Variants in CAPN8 observed in about 807,000 individuals in gnomAD.
CAPN8 encodes calpain-8.
A neutral mutation model predicts 80.9 loss-of-function variants in CAPN8; 87 were observed. The ratio of observed to expected loss-of-function variants is 1.07; its 90% CI spans 0.90 to 1.28. The LOEUF (loss-of-function observed/expected upper bound fraction) is 1.28. CAPN8 is among the 50% of genes most tolerant of loss of function. CAPN8 has a pLI of 0.00. For synonymous variants in CAPN8, 299 were observed against 273.8 expected (o/e 1.09, Z -0.91); for missense variants, 757 against 702.0 (o/e 1.08, Z -0.89).
intron 1 of CAPN8, among the ~76,000 whole-genome samples, chr1:223,656,668 G>T (rs1342090630): frequency 1.1e-5 from 1 of 94,820 alleles, no homozygotes; most frequent in Non-Finnish European, 2.1e-5. Flanking sequence ...CACGTTTTGG[G>T]TTTTTTTGTT....
rs576619023 is a variant in CAPN8, at chr1:223,547,500, G to A, written c.1764+1818C>T. On this transcript the variant is annotated intron_variant, in intron 16 of 20. Transcript: ENST00000366872. ...AGAGCGACTGGTAATAGGAGTACAG[G>A]GTTTCTTTTTAGGGTGATGACAATG... Among the ~76,000 whole-genome samples, 23 of 152,268 alleles carry A rather than the reference G, an allele frequency of 1.5e-4. 1 individual carries two copies. The highest frequency in any genetic ancestry group is 5.1e-4 in the African/African-American group (21 of 41,536).
At chr1:223,610,138 A>G (rs1315325805) in intron 11 of CAPN8, among the ~76,000 whole-genome samples, 2 of 152,348 alleles carry the variant, frequency 1.3e-5, no homozygotes, top group East Asian at 1.9e-4. Flanking sequence ...CTTTACCATC[A>G]ATCTTCATCA....
chr1:223,613,803 G>A (rs1657096502), intron 10 of CAPN8, among the ~76,000 whole-genome samples: 1 of 152,096 alleles, frequency 6.6e-6, no homozygotes, highest in Non-Finnish European at 1.5e-5. Context: ...GGAGATACAG[G>A]AATGAGAATA....
chr1:223,626,044 C>A (rs1657566546), intron 5 of CAPN8, among the ~76,000 whole-genome samples, 156 bp from the exon 6 acceptor site: 1 of 152,152 alleles, frequency 6.6e-6, no homozygotes, highest in African/African-American at 2.4e-5. Flanking sequence ...AGAGTCATCT[C>A]CATCCAGACT....
chr1:223,544,688 C>T, intron 18 of CAPN8, 84 bp downstream of exon 18: 1 of 1,511,234 alleles, frequency 6.6e-7, no homozygotes, highest in Non-Finnish European at 8.9e-7. Context: ...AAATGATGAT[C>T]ATTAGCAATC....
chr1:223,653,896 C>T lies in CAPN8; in HGVS notation c.307+434G>A, dbSNP rs12081437. Among the ~76,000 whole-genome samples, 1,206 of 152,270 alleles carry T rather than the reference C, an allele frequency of 7.9e-3. 26 individuals carry two copies. The highest frequency in any genetic ancestry group is 0.028 in the African/African-American group (1,151 of 41,550). On this transcript the variant is annotated intron_variant, in intron 2 of 20. Transcript: ENST00000366872. Reference sequence around the variant, plus strand: ...AGGCCTATGAAAGAATGTCTGGCTACAAAAATAAGATTCCTGTTTTCTTAC... The same window carrying T: ...AGGCCTATGAAAGAATGTCTGGCTATAAAAATAAGATTCCTGTTTTCTTAC...
rs145619464 is a variant in CAPN8, at chr1:223,654,330, C to A, written c.307G>T (p.Gly103Cys). 170 of 1,551,684 alleles carry A rather than the reference C, an allele frequency of 1.1e-4. No individual in the cohort carries two copies. The African/African-American group carries it at 1.9e-3, about 17-fold the overall frequency. ...TRTDICQGGL[G>C]DCWLLAAIAS... ...AATAAGACTCTCCCCAGTTACTCAC[C>A]TAGACCACCCTGACAAATGTCTGTG... is the stretch of plus-strand genomic sequence containing the variant. The change falls in exon 2 of 21, where the codon GGT becomes TGT. Residue 103 changes from glycine to cysteine, a missense_variant and splice_region_variant. Gly to Cys is a radical substitution (Grantham distance 159). Coordinates refer to ENST00000366872, the MANE Select transcript of CAPN8 (RefSeq NM_001143962.2).
intron 2 of CAPN8, among the ~76,000 whole-genome samples, chr1:223,643,021 T>G (rs894738098): frequency 6.6e-6 from 1 of 152,276 alleles, no homozygotes; most frequent in African/African-American, 2.4e-5. Context: ...GAGGCTTATG[T>G]AAACACATCT....
chr1:223,631,523 A>T (rs1657773888), intron 2 of CAPN8, among the ~76,000 whole-genome samples: 1 of 152,304 alleles, frequency 6.6e-6, no homozygotes, highest in Admixed American at 6.5e-5. Flanking sequence ...CTTGCAAAGC[A>T]GCAATGTGGA....
chr1:223,625,113 A>T (rs1657528551), intron 6 of CAPN8, among the ~76,000 whole-genome samples: 1 of 149,498 alleles, frequency 6.7e-6, no homozygotes. Context: ...AAATAAAAAT[A>T]AAAAAAAATA....
At chr1:223,620,858 A>G (rs1260516927) in intron 7 of CAPN8, among the ~76,000 whole-genome samples, 5 of 151,978 alleles carry the variant, frequency 3.3e-5, no homozygotes, top group Non-Finnish European at 7.4e-5. Flanking sequence ...GGCAATATCT[A>G]TGCACTTTGT....
intron 2 of CAPN8, among the ~76,000 whole-genome samples, chr1:223,649,108 A>G (rs762651390): frequency 2.0e-5 from 3 of 152,234 alleles, no homozygotes; most frequent in African/African-American, 7.2e-5. Context: ...CTTGCTCCCC[A>G]TTCCTGAAAG....
intron 2 of CAPN8, among the ~76,000 whole-genome samples, chr1:223,650,830 A>C (rs1298979208): frequency 1.3e-5 from 2 of 152,234 alleles, no homozygotes; most frequent in African/African-American, 4.8e-5. Context: ...GGGTGCACAA[A>C]GCCAGAAATG....
At chr1:223,644,192 A>T in intron 2 of CAPN8, 1 of 373,990 alleles carries the variant, frequency 2.7e-6, no homozygotes, top group Non-Finnish European at 5.2e-6. Flanking sequence ...GTTTTAGAAT[A>T]AATCTCTTCT....
At position 223,626,970 on chromosome 1, in the gene CAPN8, G is replaced by T. The variant is rs556499815; in HGVS notation, c.729+19C>A. The T allele has an allele frequency of 1.3e-6, 2 of 1,547,236 alleles. No homozygotes were observed. Among genetic ancestry groups the T allele is most frequent in the South Asian group, 1.2e-5 (1 of 83,900 alleles). ...GGCGGTGGGGGGAGGTGGGGCAGTA[G>T]AGAAGCCATATGCCTCACATCAATG... On this transcript the variant is annotated intron_variant, in intron 5 of 20. Transcript: ENST00000366872.
chr1:223,541,775 G>C lies in CAPN8; in HGVS notation c.*61C>G. 1.3e-6 allele frequency: 2 copies of C among 1,551,276 alleles called. No individual in the cohort carries two copies. The highest frequency in any genetic ancestry group is 3.9e-5 in the Admixed American group (2 of 51,004). On this transcript the variant is annotated 3_prime_UTR_variant, in exon 21 of 21. Transcript: ENST00000366872. ...GCATAAATGTTCACAAAATTGTAGAGAAGGGGTGACAAGAAGCAAGCAGTG... is the reference window on the plus strand; with the variant it reads ...GCATAAATGTTCACAAAATTGTAGACAAGGGGTGACAAGAAGCAAGCAGTG...
intron 2 of CAPN8, among the ~76,000 whole-genome samples, chr1:223,642,068 T>C (rs370264983): frequency 1.7e-4 from 26 of 152,322 alleles, no homozygotes; most frequent in East Asian, 9.7e-4. Flanking sequence ...GAGTGGATGA[T>C]GGCAAGCTAC....
At chr1:223,543,256 A>G (rs1272459941) in intron 19 of CAPN8, 90 bp from the exon 20 acceptor site, 1 of 1,420,992 alleles carries the variant, frequency 7.0e-7, no homozygotes, top group East Asian at 2.5e-5. Flanking sequence ...CCCCATCCCC[A>G]CCTGCGGAAC....
At chr1:223,548,831 T>C (rs1044319380) in intron 16 of CAPN8, among the ~76,000 whole-genome samples, 1 of 152,038 alleles carries the variant, frequency 6.6e-6, no homozygotes, top group African/African-American at 2.4e-5. Context: ...GATTTTATCT[T>C]GTGTGATAAC....
Sources: gnomAD v4.1 joint callset for allele counts (sites outside exome capture counted in the v4.1 genomes callset) on GRCh38, gnomAD v4.1.1 for gene constraint, MANE v1.5 for transcripts, NCBI Gene and HGNC (gene_info 2026-07-23, HGNC 2026-07-21) for gene names.